The following SH3D19 variants were observed in gnomAD, a reference collection of about 807,000 sequenced individuals.
SH3D19 encodes SH3 domain-containing protein 19.
SH3D19 carries 58 observed loss-of-function variants against 112.1 expected under a neutral mutation model. The observed-to-expected ratio is 0.52, with a 90% CI of 0.42 to 0.64. The LOEUF is 0.64. Ranked by LOEUF, SH3D19 falls within the 30% of genes least tolerant of loss-of-function variation. SH3D19 has a pLI of 0.00. For synonymous variants in SH3D19, 391 were observed against 448.5 expected, an observed-to-expected ratio of 0.87 and a Z score of 1.62; for missense variants, 1,090 against 1,263.4, an observed-to-expected ratio of 0.86 and a Z score of 2.08.
At chr4:151,155,311 G>T (rs1254098194) in intron 9 of SH3D19, among the ~76,000 whole-genome samples, 1 of 152,150 alleles carries the variant, frequency 6.6e-6, no homozygotes, top group Non-Finnish European at 1.5e-5. Context: ...TTTAATAAAA[G>T]TTTATTACCA....
intron 1 of SH3D19, among the ~76,000 whole-genome samples, chr4:151,308,226 T>G (rs894473068): frequency 6.6e-6 from 1 of 152,206 alleles, no homozygotes; most frequent in Admixed American, 6.5e-5. Flanking sequence ...TTTAAAAAAC[T>G]CAAGACTGTC....
chr4:151,252,750 C>T (rs1204573597), intron 1 of SH3D19, among the ~76,000 whole-genome samples: 1 of 152,232 alleles, frequency 6.6e-6, no homozygotes, highest in Non-Finnish European at 1.5e-5. Flanking sequence ...TACAAATGAA[C>T]TCTTCATCTA....
chr4:151,254,158 A>G (rs561089790), intron 1 of SH3D19, among the ~76,000 whole-genome samples: 2 of 152,266 alleles, frequency 1.3e-5, no homozygotes, highest in East Asian at 3.9e-4. Context: ...CAAATGTAAA[A>G]CACTATCAGG....
At chr4:151,284,764 G>C (rs1774581203) in intron 1 of SH3D19, among the ~76,000 whole-genome samples, 1 of 152,286 alleles carries the variant, frequency 6.6e-6, no homozygotes, top group Non-Finnish European at 1.5e-5. Flanking sequence ...GTTTCAACGG[G>C]AAGTCAACTT....
intron 1 of SH3D19, chr4:151,226,678 C>T (rs1769062948): frequency 6.3e-6 from 1 of 159,306 alleles, no homozygotes. Flanking sequence ...AGGGAACTCT[C>T]ATGGGTAGAA....
At chr4:151,194,706 G>A (rs980138732) in intron 2 of SH3D19, among the ~76,000 whole-genome samples, 4 of 149,780 alleles carry the variant, frequency 2.7e-5, no homozygotes, top group South Asian at 2.2e-4. Context: ...ATGAGCCACC[G>A]TGCCTGGCTA....
In SH3D19 at chr4:151,149,552, G is replaced by A; in HGVS notation, c.1765C>T (p.His589Tyr). 1 of 1,611,268 alleles carries A rather than the reference G, an allele frequency of 6.2e-7. No individual in the cohort carries two copies. Among genetic ancestry groups the A allele is most frequent in the Non-Finnish European group, 8.5e-7 (1 of 1,178,572 alleles). The part of the protein sequence containing the change: ...VERTRNLESN[H>Y]PGQTGGFVRV... The stretch of plus-strand genomic sequence containing the variant: ...ACAAAACCTCCTGTTTGACCTGGGT[G>A]GTTGGATTCCTGCAAGTAGCAGAGA... The change falls in exon 10 of 20, where the codon CAC becomes TAC. Residue 589 changes from histidine (H) to tyrosine (Y), a missense_variant. By Grantham distance (83) the His-to-Tyr change is moderately conservative (BLOSUM62 2). Coordinates refer to ENST00000604030, the MANE Select transcript of SH3D19 (RefSeq NM_001378122.1).
In SH3D19 at chr4:151,291,584, T is replaced by G. The variant is rs114872254; in HGVS notation, c.112+33657A>C. The stretch of plus-strand genomic sequence containing the variant: ...AGTTAAGAAATAAAACTGTCACTTC[T>G]GTACATTCTTTGTCCTTGACTAATG... On this transcript the variant is annotated intron_variant, in intron 1 of 19. Coordinates refer to ENST00000604030, the MANE Select transcript of SH3D19 (RefSeq NM_001378122.1). 4.8e-5 allele frequency: 30 copies of G among 628,602 alleles called. No individual in the cohort carries two copies. In the African/African-American group the frequency reaches 4.9e-4, roughly 10 times the overall value. 38.9% of individuals were successfully genotyped at this position (628,602 alleles called of 1,614,324 possible).
chr4:151,157,840 A>G (rs1478437265), intron 9 of SH3D19, among the ~76,000 whole-genome samples: 3 of 152,252 alleles, frequency 2.0e-5, no homozygotes, highest in African/African-American at 7.2e-5. Context: ...CCAGGAACAG[A>G]AAGTTAAACA....
At chr4:151,242,849 G>T (rs545941772) in intron 1 of SH3D19, among the ~76,000 whole-genome samples, 1 of 151,924 alleles carries the variant, frequency 6.6e-6, no homozygotes, top group African/African-American at 2.4e-5. Flanking sequence ...TGATACATGG[G>T]AAATAAAAAA....
intron 2 of SH3D19, among the ~76,000 whole-genome samples, chr4:151,209,871 T>C (rs945505197): frequency 3.3e-5 from 5 of 152,204 alleles, no homozygotes; most frequent in African/African-American, 9.7e-5. Flanking sequence ...GAAAGTGCTC[T>C]TTTGGGACCT....
At chr4:151,165,747 AC>A (rs1206625180) in intron 7 of SH3D19, 51 bp from the exon 8 acceptor site, 2 of 1,454,846 alleles carry the variant, frequency 1.4e-6, no homozygotes, top group Non-Finnish European at 1.9e-6. Flanking sequence ...ATGGACTGAA[AC>A]AAAAAACCTC....
chr4:151,246,701 T>C (rs1478779049), intron 1 of SH3D19, among the ~76,000 whole-genome samples: 1 of 152,216 alleles, frequency 6.6e-6, no homozygotes, highest in Non-Finnish European at 1.5e-5. Flanking sequence ...CTTAACTCAC[T>C]TGACCTTCTC....
rs1240484050 is a variant in SH3D19 at position 151,213,684 on chromosome 4, A to AT, written c.152+12362dup. Among the ~76,000 whole-genome samples the AT allele has an allele frequency of 9.5e-5, 14 of 147,798 alleles. No homozygotes were observed. In the South Asian group the frequency reaches 1.1e-3, roughly 11 times the overall value. ...ATAATATGAATTAATTAATTAATTA[A>AT]TTAATTTATTTATTTATTTGACAGG... On this transcript the variant is annotated intron_variant, in intron 2 of 19. Coordinates refer to ENST00000604030, the MANE Select transcript of SH3D19 (RefSeq NM_001378122.1).
Position 151,136,293 on chromosome 4 carries a change from G to A in SH3D19, c.2428-1161C>T, listed in dbSNP as rs768288946. 6.6e-5 allele frequency among the ~76,000 whole-genome samples: 10 copies of A among 151,826 alleles called. 1 individual carries two copies. Among genetic ancestry groups the A allele is most frequent in the South Asian group, 4.2e-4 (2 of 4,800 alleles). On this transcript the variant is annotated intron_variant, in intron 14 of 19. Coordinates refer to ENST00000604030, the MANE Select transcript of SH3D19 (RefSeq NM_001378122.1). ...CTCCCAAGTAGCTGGGACTACACAC[G>A]CGTAACACCATGCCAAGTTAATTTT...
intron 1 of SH3D19, chr4:151,279,923 G>A: frequency 6.2e-7 from 1 of 1,613,638 alleles, no homozygotes; most frequent in Non-Finnish European, 8.5e-7. Context: ...TCGTCAGTGA[G>A]AGGTTGATAC....
At chr4:151,233,921 T>C (rs960556473) in intron 1 of SH3D19, among the ~76,000 whole-genome samples, 2 of 152,248 alleles carry the variant, frequency 1.3e-5, no homozygotes, top group Non-Finnish European at 2.9e-5. Context: ...CAGTACTCTG[T>C]AATGTTTGTT....
At chr4:151,279,507 G>C (rs567992196) in intron 1 of SH3D19, among the ~76,000 whole-genome samples, 29 of 152,310 alleles carry the variant, frequency 1.9e-4, no homozygotes, top group Middle Eastern at 3.4e-3. Context: ...AAGGTTCTCT[G>C]TTCAGTGAAT....
chr4:151,180,631 C>A (rs1760748637), intron 3 of SH3D19, among the ~76,000 whole-genome samples: 2 of 151,832 alleles, frequency 1.3e-5, no homozygotes, highest in Non-Finnish European at 2.9e-5. Context: ...TGGTCTCGAT[C>A]TCCCGACCTT....
Sources: gnomAD v4.1 joint callset for allele counts (sites outside exome capture counted in the v4.1 genomes callset) on GRCh38, gnomAD v4.1.1 for gene constraint, MANE v1.5 for transcripts, NCBI Gene and HGNC (gene_info 2026-07-23, HGNC 2026-07-21) for gene names.